CPSF4: variants seen among roughly 807,000 people sequenced by gnomAD.
The protein encoded by CPSF4 is cleavage and polyadenylation specific factor 4.
In CPSF4, 11 loss-of-function variants were observed where a neutral mutation model predicts 37.7. The observed-to-expected ratio is 0.29, with a 90% CI of 0.18 to 0.48. The LOEUF is 0.48. Ranked by LOEUF, CPSF4 falls within the 20% of genes least tolerant of loss-of-function variation. The pLI, the probability that CPSF4 is intolerant of heterozygous loss-of-function variation, is 0.99. For synonymous variants in CPSF4, 132 were observed against 135.9 expected (o/e 0.97, Z 0.20); for missense variants, 144 against 359.5 (o/e 0.40, Z 4.85).
In CPSF4 at chr7:99,456,811, G is replaced by C; in HGVS notation, c.*311G>C. On this transcript the variant is annotated 3_prime_UTR_variant, in exon 8 of 8. Transcript: ENST00000292476. ...GAGGCAGCTGCTGGGGAGGGGCTTG[G>C]CTAGGTAGTTCTGTGTGGCGGTGGT... 2.1e-6 allele frequency: 1 copy of C among 468,088 alleles called. No homozygotes were observed. The highest frequency in any genetic ancestry group is 4.0e-6 in the Non-Finnish European group (1 of 250,984). 29.0% of individuals were successfully genotyped at this position (468,088 alleles called of 1,614,324 possible). A position where few individuals can be genotyped will look rare whatever the true frequency, so the allele number is the denominator to read the frequency against.
rs773163459 is a variant in CPSF4, at chr7:99,443,121, G to C, written c.104-1668G>C. On this transcript the variant is annotated intron_variant, in intron 1 of 7. Coordinates refer to ENST00000292476, the MANE Select transcript of CPSF4 (RefSeq NM_006693.4). ...CAGATGACAGACTTTTGTTGGAACTGAAGAAATCCCAAACCTAGCTGCCTG... is the reference window on the plus strand; with the variant it reads ...CAGATGACAGACTTTTGTTGGAACTCAAGAAATCCCAAACCTAGCTGCCTG... 9 of 829,616 alleles carry C rather than the reference G, an allele frequency of 1.1e-5. No homozygotes were observed. The Admixed American group carries it at 1.5e-4, about 14-fold the overall frequency. The allele number at this position is 829,616 out of a possible 1,614,324, so 51.4% of individuals were successfully genotyped here. A position where few individuals can be genotyped will look rare whatever the true frequency, so the allele number is the denominator to read the frequency against.
intron 2 of CPSF4, among the ~76,000 whole-genome samples, chr7:99,447,130 T>TTAC (rs764914344): frequency 1.2e-3 from 142 of 117,848 alleles, no homozygotes; most frequent in Non-Finnish European, 2.0e-3. Flanking sequence ...TACTTACTTA[T>TTAC]TTATTTATGT....
intron 2 of CPSF4, 54 bp downstream of exon 2, chr7:99,444,893 T>C (rs1476818216): frequency 2.7e-5 from 41 of 1,510,972 alleles, no homozygotes; most frequent in Non-Finnish European, 3.3e-5. Flanking sequence ...CCCACCTCCT[T>C]CTCCCCGGCA....
chr7:99,444,351 GGA>G (rs888861923), intron 1 of CPSF4, among the ~76,000 whole-genome samples: 1 of 152,072 alleles, frequency 6.6e-6, no homozygotes, highest in African/African-American at 2.4e-5. Flanking sequence ...CAGCTACTTG[GGA>G]GGCTGAGGCA....
chr7:99,456,611 A>G lies in CPSF4; in HGVS notation c.*111A>G, dbSNP rs759602728. The G allele has an allele frequency of 1.8e-5, 16 of 883,946 alleles. No individual in the cohort carries two copies. The African/African-American group carries it at 2.3e-4, about 13-fold the overall frequency. 54.8% of individuals were successfully genotyped at this position (883,946 alleles called of 1,614,324 possible). ...CTGTGGCTCGAGCTGGCCCGCAGACACGTGGGTTTCATCACTCTGAGGGGC... is the reference window on the plus strand; with the variant it reads ...CTGTGGCTCGAGCTGGCCCGCAGACGCGTGGGTTTCATCACTCTGAGGGGC... On this transcript the variant is annotated 3_prime_UTR_variant, in exon 8 of 8. Coordinates refer to ENST00000292476, the MANE Select transcript of CPSF4 (RefSeq NM_006693.4).
intron 1 of CPSF4, among the ~76,000 whole-genome samples, chr7:99,442,722 A>C (rs991235918): frequency 6.6e-6 from 1 of 152,070 alleles, no homozygotes; most frequent in African/African-American, 2.4e-5. Context: ...ACAACCTTAA[A>C]GCTGAAACAG....
At position 99,456,564 on chromosome 7, in the gene CPSF4, T is replaced by C. The variant is rs1476446817; in HGVS notation, c.*64T>C. ...GCTGTTGGGAGTGTGCATTTAACTG[T>C]TTCATGCGCTTGTTGGCGCGACTGT... On this transcript the variant is annotated 3_prime_UTR_variant, in exon 8 of 8. Coordinates refer to ENST00000292476, the MANE Select transcript of CPSF4 (RefSeq NM_006693.4). 1 of 1,393,702 alleles carries C rather than the reference T, an allele frequency of 7.2e-7. No homozygotes were observed. The highest frequency in any genetic ancestry group is 1.0e-6 in the Non-Finnish European group (1 of 985,094). The allele number at this position is 1,393,702 out of a possible 1,614,324, so 86.3% of individuals were successfully genotyped here.
rs1798097282 is a variant in CPSF4 at position 99,453,789 on chromosome 7, C to A, written c.571-177C>A. ...CTGCATGGTGTTTTTCGGGCAGTGG[C>A]TTCTGCCATCATCACCACATGTTTC... On this transcript the variant is annotated intron_variant, in intron 6 of 7. Transcript: ENST00000292476. The surrounding 1 kb of genome is among the most constrained non-coding windows in gnomAD (Gnocchi z 4.7). 1 of 611,708 alleles carries A rather than the reference C, an allele frequency of 1.6e-6. No homozygotes were observed. The highest frequency in any genetic ancestry group is 2.9e-6 in the Non-Finnish European group (1 of 346,332). The allele number at this position is 611,708 out of a possible 1,614,324, so 37.9% of individuals were successfully genotyped here.
chr7:99,444,332 C>A (rs1407401828), intron 1 of CPSF4, among the ~76,000 whole-genome samples: 1 of 152,142 alleles, frequency 6.6e-6, no homozygotes, highest in Non-Finnish European at 1.5e-5. Context: ...TGGCAGGCAC[C>A]TGTAATCCCA....
chr7:99,456,295 G>A (rs1484196485), intron 7 of CPSF4, 137 bp from the exon 8 acceptor site: 3 of 737,668 alleles, frequency 4.1e-6, no homozygotes, highest in African/African-American at 1.7e-5. Flanking sequence ...CTGTACCACT[G>A]AGAATTTCAG....
chr7:99,449,229 T>G (rs1213873966), intron 3 of CPSF4: 1 of 152,296 alleles, frequency 6.6e-6, no homozygotes, highest in East Asian at 1.9e-4. Flanking sequence ...CAGCATCCCA[T>G]CAGGCGTGGC....
At position 99,456,504 on chromosome 7, in the gene CPSF4, C is replaced by G. The variant is rs1349043101; in HGVS notation, c.*4C>G. ...GGCCTTTCTCAGTGGACAGTGACAGCAGCTGGAGCCAGCTCCGAGCAGCCC... is the reference window on the plus strand; with the variant it reads ...GGCCTTTCTCAGTGGACAGTGACAGGAGCTGGAGCCAGCTCCGAGCAGCCC... On this transcript the variant is annotated 3_prime_UTR_variant, in exon 8 of 8. Transcript: ENST00000292476. 2 of 1,613,756 alleles carry G rather than the reference C, an allele frequency of 1.2e-6. No homozygotes were observed. Among genetic ancestry groups the G allele is most frequent in the Non-Finnish European group, 8.5e-7 (1 of 1,179,742 alleles).
chr7:99,455,427 G>T (rs1013186352), intron 7 of CPSF4, among the ~76,000 whole-genome samples: 1 of 152,228 alleles, frequency 6.6e-6, no homozygotes, highest in African/African-American at 2.4e-5. Context: ...ACAGCTGGGT[G>T]CGGTGGCTCA....
rs967509949 is a variant in CPSF4, at chr7:99,453,884, C to T, written c.571-82C>T. ...TTCCTGCCGTTTGCGGGACGAGTCC[C>T]GCCCTCTTTTTTCCTGTCCCCATCG... On this transcript the variant is annotated intron_variant, in intron 6 of 7. Coordinates refer to ENST00000292476, the MANE Select transcript of CPSF4 (RefSeq NM_006693.4). This position sits in a 1 kb window ranked among gnomAD's most constrained non-coding sequence, Gnocchi z 4.7. 9.4e-6 allele frequency: 13 copies of T among 1,385,022 alleles called. No homozygotes were observed. Among genetic ancestry groups the T allele is most frequent in the South Asian group, 3.9e-5 (3 of 77,404 alleles). The allele number at this position is 1,385,022 out of a possible 1,614,324, so 85.8% of individuals were successfully genotyped here.
At chr7:99,450,831 C>A in intron 5 of CPSF4, 36 bp downstream of exon 5, 2 of 1,508,242 alleles carry the variant, frequency 1.3e-6, no homozygotes, top group Non-Finnish European at 1.8e-6. Flanking sequence ...TACCCCAGCT[C>A]CCGGCCCAGG....
At position 99,456,529 on chromosome 7, in the gene CPSF4, C is replaced by T. The variant is rs577894145; in HGVS notation, c.*29C>T. 4.8e-5 allele frequency: 77 copies of T among 1,603,866 alleles called. No homozygotes were observed. The highest frequency in any genetic ancestry group is 9.4e-5 in the African/African-American group (7 of 74,716). ...CAGCTGGAGCCAGCTCCGAGCAGCCCGGGGGCCCCGCTGTTGGGAGTGTGC... is the reference window on the plus strand; with the variant it reads ...CAGCTGGAGCCAGCTCCGAGCAGCCTGGGGGCCCCGCTGTTGGGAGTGTGC... On this transcript the variant is annotated 3_prime_UTR_variant, in exon 8 of 8. Coordinates refer to ENST00000292476, the MANE Select transcript of CPSF4 (RefSeq NM_006693.4).
In CPSF4 at chr7:99,452,759, C is replaced by T. The variant is rs115575303; in HGVS notation, c.570+319C>T. 2,267 of 299,474 alleles carry T rather than the reference C, an allele frequency of 7.6e-3. 41 individuals carry two copies. The highest frequency in any genetic ancestry group is 0.045 in the African/African-American group (2,076 of 46,336). 18.6% of individuals were successfully genotyped at this position (299,474 alleles called of 1,614,324 possible). On this transcript the variant is annotated intron_variant, in intron 6 of 7. Transcript: ENST00000292476. ...CTGCCCCTGGGGCTGGCATGGAGGG[C>T]GGCCTGGGCACCGTGTCTGCTGCTC...
At chr7:99,446,771 CTTTTTTTTTTTTTTTTTTTTTTTT>C (rs762892785) in intron 2 of CPSF4, among the ~76,000 whole-genome samples, 5 of 29,136 alleles carry the variant, frequency 1.7e-4, no homozygotes, top group Non-Finnish European at 3.0e-4. Context: ...CCATACCCAG[CTTTTTTTTTTTTTTTTTTTTTTTT>C]TTTTTTTTTT....
chr7:99,440,675 T>TA (rs1491236759), intron 1 of CPSF4, among the ~76,000 whole-genome samples: 5,383 of 73,958 alleles, frequency 0.073, 194 homozygotes, highest in East Asian at 0.22. Flanking sequence ...TATATATATA[T>TA]TTTTTTTTTT....
Sources: gnomAD v4.1 joint callset for allele counts (sites outside exome capture counted in the v4.1 genomes callset) on GRCh38, gnomAD v4.1.1 for gene constraint, Gnocchi (gnomAD v3.1) non-coding constraint, MANE v1.5 for transcripts, NCBI Gene and HGNC (gene_info 2026-07-23, HGNC 2026-07-21) for gene names.